CSF2RB: variants seen among roughly 807,000 people sequenced by gnomAD.
The protein encoded by CSF2RB is colony stimulating factor 2 receptor subunit beta, also known as cytokine receptor common subunit beta.
A neutral mutation model predicts 67.2 loss-of-function variants in CSF2RB; 22 were observed. The observed-to-expected ratio is 0.33, with a 90% confidence interval of 0.23 to 0.47. The LOEUF is 0.47. CSF2RB is among the 20% of genes least tolerant of loss of function. CSF2RB has a pLI of 1.00. For missense variants in CSF2RB, 1,113 were observed against 1,174.5 expected (o/e 0.95, Z 0.76); for synonymous variants, 507 against 482.9 (o/e 1.05, Z -0.65).
At chr22:36,928,358 C>T (rs574542831) in intron 4 of CSF2RB, among the ~76,000 whole-genome samples, 8 of 152,292 alleles carry the variant, frequency 5.3e-5, no homozygotes, top group Admixed American at 5.2e-4. Context: ...AGAGCTCCCC[C>T]TCCATGACAG....
rs746415173 is a variant in CSF2RB, at chr22:36,929,787, T to C, written c.698T>C (p.Val233Ala). The C allele has an allele frequency of 2.5e-5, 40 of 1,613,680 alleles. No individual in the cohort carries two copies. Among genetic ancestry groups the C allele is most frequent in the Non-Finnish European group, 2.7e-5 (32 of 1,179,910 alleles). The change falls in exon 6 of 14, where the codon GTT becomes GCT. Residue 233 changes from valine (V) to alanine (A), a missense_variant. By Grantham distance (64) the Val-to-Ala change is moderately conservative (BLOSUM62 0). This residue lies in a region of CSF2RB where 559 missense variants were observed against 656.5 expected (regional missense o/e 0.85). Coordinates refer to ENST00000403662, the MANE Select transcript of CSF2RB (RefSeq NM_000395.3). Reference sequence around the variant, plus strand: ...CGTCCCAGCAAGTGGAGCCCAGAGGTTTGCTGGGACTCCCAGCCAGGTAAT... The same window carrying C: ...CGTCCCAGCAAGTGGAGCCCAGAGGCTTGCTGGGACTCCCAGCCAGGTAAT... The part of the protein sequence containing the change: ...SGRPSKWSPE[V>A]CWDSQPGDEA...
intron 12 of CSF2RB, 143 bp from the exon 13 acceptor site, chr22:36,936,406 A>G: frequency 1.4e-6 from 1 of 709,058 alleles, no homozygotes; most frequent in South Asian, 1.5e-5. Flanking sequence ...TGGTGTCAAA[A>G]GGCCGTGGCC....
At chr22:36,930,535 C>T in intron 7 of CSF2RB, 25 bp downstream of exon 7, 2 of 1,612,660 alleles carry the variant, frequency 1.2e-6, no homozygotes, top group South Asian at 1.1e-5. Context: ...TCTCCATCCC[C>T]TCCCCTCCTC....
At chr22:36,927,073 G>A (rs1266090227) in intron 4 of CSF2RB, among the ~76,000 whole-genome samples, 1 of 152,184 alleles carries the variant, frequency 6.6e-6, no homozygotes, top group Admixed American at 6.5e-5. Context: ...AGTGCAGGAT[G>A]GTCTGAGTCC....
chr22:36,928,016 A>G (rs954377422), intron 4 of CSF2RB, among the ~76,000 whole-genome samples: 2 of 152,288 alleles, frequency 1.3e-5, no homozygotes, highest in Non-Finnish European at 2.9e-5. Context: ...GAAGGTTTCT[A>G]AGGCGATGGA....
In CSF2RB at chr22:36,937,436, A is replaced by G. The variant is rs773352836; in HGVS notation, c.1628A>G (p.Lys543Arg). 3.7e-6 allele frequency: 6 copies of G among 1,614,050 alleles called. No homozygotes were observed. In the South Asian group the frequency reaches 4.4e-5, roughly 12 times the overall value. ...EVSPLTIEDPKHVCDPPSGPD... is the reference protein window; with the variant it reads ...EVSPLTIEDPRHVCDPPSGPD... ...TCACCTCTCACCATAGAGGACCCCA[A>G]GCATGTCTGTGATCCACCATCTGGG... Residue 543 changes from lysine to arginine, a missense_variant, in exon 14 of 14, where the codon AAG becomes AGG. Lys to Arg is a conservative substitution (Grantham distance 26). Transcript: ENST00000403662. The surrounding 1 kb of genome is among the most constrained non-coding windows in gnomAD (Gnocchi z 4.6).
At chr22:36,919,693 G>A (rs1162842281) in intron 1 of CSF2RB, among the ~76,000 whole-genome samples, 1 of 152,052 alleles carries the variant, frequency 6.6e-6, no homozygotes, top group African/African-American at 2.4e-5. Flanking sequence ...TTACAGGCGT[G>A]AGCCACCGCG....
intron 12 of CSF2RB, among the ~76,000 whole-genome samples, chr22:36,936,030 G>T (rs984908579): frequency 4.6e-5 from 7 of 152,178 alleles, no homozygotes; most frequent in Non-Finnish European, 1.0e-4. Context: ...CAAGATACCT[G>T]GGCTGAGCTT....
At chr22:36,918,910 A>G (rs1345042567) in intron 1 of CSF2RB, among the ~76,000 whole-genome samples, 1 of 152,226 alleles carries the variant, frequency 6.6e-6, no homozygotes, top group East Asian at 1.9e-4. Context: ...ATAGCTGCTG[A>G]AGCTCCAGCT....
At chr22:36,934,952 G>A (rs1310399293) in intron 10 of CSF2RB, among the ~76,000 whole-genome samples, 1 of 152,152 alleles carries the variant, frequency 6.6e-6, no homozygotes, top group African/African-American at 2.4e-5. Context: ...CTTTGCTCCT[G>A]CTGGTGCCTC....
Position 36,938,958 on chromosome 22 carries a change from G to C in CSF2RB, c.*456G>C. On this transcript the variant is annotated 3_prime_UTR_variant, in exon 14 of 14. Transcript: ENST00000403662. ...TGTGGGCTGCCTGTCCCCGGCAGTC[G>C]CTGATGCACATGACATGATTCTCAT... The C allele has an allele frequency of 1.7e-6, 1 of 601,092 alleles. No homozygotes were observed. Among genetic ancestry groups the C allele is most frequent in the Non-Finnish European group, 3.0e-6 (1 of 336,406 alleles). 37.2% of individuals were successfully genotyped at this position (601,092 alleles called of 1,614,324 possible).
rs761797164 is a variant in CSF2RB, at chr22:36,933,938, G to A, written c.1259G>A (p.Gly420Asp). The A allele has an allele frequency of 3.7e-6, 6 of 1,612,564 alleles. No homozygotes were observed. Among genetic ancestry groups the A allele is most frequent in the African/African-American group, 2.7e-5 (2 of 74,902 alleles). Residue 420 changes from glycine to aspartate, a missense_variant, in exon 10 of 14, where the codon GGC becomes GAC. Physicochemically the swap from Gly to Asp is moderately conservative, Grantham distance 94 (BLOSUM62 -1). This residue lies in a region of CSF2RB where 559 missense variants were observed against 656.5 expected (regional missense o/e 0.85). Coordinates refer to ENST00000403662, the MANE Select transcript of CSF2RB (RefSeq NM_000395.3). ...GTGAGGGTCAGGACCTCCCGCACCG[G>A]CTACAACGGGATCTGGAGCGAGTGG... ...ARVRVRTSRT[G>D]YNGIWSEWSE...
rs1197849518 is a variant in CSF2RB, at chr22:36,929,734, C to T, written c.645C>T (p.Arg215=). The T allele has an allele frequency of 6.2e-7, 1 of 1,614,204 alleles. No homozygotes were observed. The highest frequency in any genetic ancestry group is 8.5e-7 in the Non-Finnish European group (1 of 1,180,032). Reference sequence around the variant, plus strand: ...CCTACGTGGCCCGAGTACGGACCCGCCTGGCCCCAGGTTCTCGGCTCTCAG... The same window carrying T: ...CCTACGTGGCCCGAGTACGGACCCGTCTGGCCCCAGGTTCTCGGCTCTCAG... The part of the protein sequence containing the change: ...SSTYVARVRT[R]LAPGSRLSGR... The change falls in exon 6 of 14, where the codon CGC becomes CGT. Residue 215 remains arginine, a synonymous_variant. Transcript: ENST00000403662.
chr22:36,922,399 C>A, intron 2 of CSF2RB, 116 bp downstream of exon 2: 1 of 952,218 alleles, frequency 1.1e-6, no homozygotes, highest in South Asian at 1.4e-5. Flanking sequence ...TGCTCCCCTC[C>A]CTCTGTCTCT....
Position 36,938,088 on chromosome 22 carries a change from G to A in CSF2RB, c.2280G>A (p.Lys760=). The A allele has an allele frequency of 3.1e-6, 5 of 1,614,124 alleles. No individual in the cohort carries two copies. The highest frequency in any genetic ancestry group is 4.2e-6 in the Non-Finnish European group (5 of 1,179,990). ...SGPPGAPGPV[K]SGFEGYVELP... is the part of the protein sequence containing the mutation. Reference sequence around the variant, plus strand: ...CCCCTGGAGCCCCAGGCCCTGTGAAGTCAGGGTTTGAGGGCTATGTGGAGC... The same window carrying A: ...CCCCTGGAGCCCCAGGCCCTGTGAAATCAGGGTTTGAGGGCTATGTGGAGC... The change falls in exon 14 of 14, where the codon AAG becomes AAA. Residue 760 remains lysine (K), a synonymous_variant. Transcript: ENST00000403662.
rs1941333401 is a variant in CSF2RB, at chr22:36,938,957, C to T, written c.*455C>T. On this transcript the variant is annotated 3_prime_UTR_variant, in exon 14 of 14. Coordinates refer to ENST00000403662, the MANE Select transcript of CSF2RB (RefSeq NM_000395.3). ...GTGTGGGCTGCCTGTCCCCGGCAGT[C>T]GCTGATGCACATGACATGATTCTCA... The T allele has an allele frequency of 1.7e-5, 10 of 599,906 alleles. 1 individual carries two copies. Among genetic ancestry groups the T allele is most frequent in the South Asian group, 9.8e-5 (5 of 50,916 alleles). 37.2% of individuals were successfully genotyped at this position (599,906 alleles called of 1,614,324 possible).
At chr22:36,926,664 TG>T (rs1316302186) in intron 4 of CSF2RB, among the ~76,000 whole-genome samples, 1 of 152,114 alleles carries the variant, frequency 6.6e-6, no homozygotes, top group African/African-American at 2.4e-5. Flanking sequence ...CTCGCTGCCC[TG>T]GAGGAGGGGC....
chr22:36,931,845 C>T (rs1325786076), intron 8 of CSF2RB, among the ~76,000 whole-genome samples: 1 of 152,180 alleles, frequency 6.6e-6, no homozygotes, highest in Non-Finnish European at 1.5e-5. Context: ...TTGTTGAAGG[C>T]CTGTTACAGC....
chr22:36,926,110 T>C lies in CSF2RB; in HGVS notation c.324T>C (p.Val108=). ...GCCAGAGTTTTGTCGTCACTGACGT[T>C]GACTACTTCTCATTCCAACCAGACA... ...IPCQSFVVTD[V]DYFSFQPDRP... is the part of the protein sequence containing the mutation. The change falls in exon 4 of 14, where the codon GTT becomes GTC. Residue 108 remains valine, a synonymous_variant. Transcript: ENST00000403662. 1 of 1,614,224 alleles carries C rather than the reference T, an allele frequency of 6.2e-7. No individual in the cohort carries two copies. The highest frequency in any genetic ancestry group is 2.2e-5 in the East Asian group (1 of 44,890).
Sources: gnomAD v4.1 joint callset for allele counts (sites outside exome capture counted in the v4.1 genomes callset) on GRCh38, gnomAD v4.1.1 for gene constraint, gnomAD v4.1.1 regional missense constraint, Gnocchi (gnomAD v3.1) non-coding constraint, MANE v1.5 for transcripts, NCBI Gene and HGNC (gene_info 2026-07-23, HGNC 2026-07-21) for gene names.